The following OS9 variants were observed in gnomAD, a reference collection of about 807,000 sequenced individuals.
OS9 encodes the protein protein OS-9.
A neutral mutation model predicts 84.7 loss-of-function variants in OS9; 58 were observed. The ratio of observed to expected loss-of-function variants is 0.68; its 90% CI spans 0.55 to 0.85. OS9 has a LOEUF of 0.85. Ranked by LOEUF, OS9 falls within the 40% of genes least tolerant of loss-of-function variation. The pLI, the probability that OS9 is intolerant of heterozygous loss-of-function variation, is 0.00. For missense variants in OS9, 760 were observed against 850.9 expected, an observed-to-expected ratio of 0.89 and a Z score of 1.33; for synonymous variants, 278 against 320.8, an observed-to-expected ratio of 0.87 and a Z score of 1.43.
chr12:57,720,535 C>G lies in OS9; in HGVS notation c.1878+17C>G, dbSNP rs778386470. ...AATATCTTGGTAAGAGGCTTCTACC[C>G]CCGAGTCCTGGCCCCCAGCCCTCCT... On this transcript the variant is annotated intron_variant, in intron 14 of 14. Transcript: ENST00000315970. 1.9e-6 allele frequency: 3 copies of G among 1,551,710 alleles called. No homozygotes were observed. The highest frequency in any genetic ancestry group is 2.7e-6 in the Non-Finnish European group (3 of 1,123,074).
intron 5 of OS9, among the ~76,000 whole-genome samples, chr12:57,696,882 CA>C (rs1488160711): frequency 6.6e-6 from 1 of 152,072 alleles, no homozygotes; most frequent in Non-Finnish European, 1.5e-5. Flanking sequence ...AGATATCTCT[CA>C]AAACTCTCCT....
At position 57,694,260 on chromosome 12, in the gene OS9, G is replaced by A. The variant is rs1475927586; in HGVS notation, c.99G>A (p.Leu33=). ...SLTGGVGSLN[L]EELSEMRYGI... ...CCGGCGGTGTCGGGAGCCTGAACCT[G>A]GAGGAGCTGAGTGAGATGCGTTATG... The change falls in exon 1 of 15, where the codon CTG becomes CTA. Residue 33 remains leucine, a synonymous_variant. Coordinates refer to ENST00000315970, the MANE Select transcript of OS9 (RefSeq NM_006812.4). 1 of 1,614,072 alleles carries A rather than the reference G, an allele frequency of 6.2e-7. No individual in the cohort carries two copies. Among genetic ancestry groups the A allele is most frequent in the African/African-American group, 1.3e-5 (1 of 74,904 alleles).
chr12:57,716,730 C>T lies in OS9; in HGVS notation c.1031C>T (p.Ser344Phe), dbSNP rs544656902. The change falls in exon 9 of 15, where the codon TCT becomes TTT. Residue 344 changes from serine (S) to phenylalanine (F), a missense_variant. Physicochemically the swap from Ser to Phe is radical, Grantham distance 155. Coordinates refer to ENST00000315970, the MANE Select transcript of OS9 (RefSeq NM_006812.4). ...DPSPEAADSASGAPNDFQNNV... is the reference protein window; with the variant it reads ...DPSPEAADSAFGAPNDFQNNV... ...AGCCCTGAGGCAGCAGATTCAGCTT[C>T]TGGTGCTCCCAATGGTGAGTGAACC... 6.2e-7 allele frequency: 1 copy of T among 1,613,998 alleles called. No individual in the cohort carries two copies. Among genetic ancestry groups the T allele is most frequent in the East Asian group, 2.2e-5 (1 of 44,884 alleles).
intron 5 of OS9, among the ~76,000 whole-genome samples, chr12:57,699,277 G>A (rs1953951611): frequency 6.6e-6 from 1 of 152,222 alleles, no homozygotes; most frequent in African/African-American, 2.4e-5. Flanking sequence ...TGGGTCTGGA[G>A]TTCAGCAGAG....
chr12:57,720,587 C>T, intron 14 of OS9, 69 bp downstream of exon 14: 1 of 1,333,134 alleles, frequency 7.5e-7, no homozygotes, highest in Non-Finnish European at 1.1e-6. Flanking sequence ...CTTGCCCCAG[C>T]CACGCCATTG....
chr12:57,706,869 A>G (rs1485452611), intron 5 of OS9, among the ~76,000 whole-genome samples: 4 of 143,714 alleles, frequency 2.8e-5, no homozygotes, highest in African/African-American at 8.5e-5. Flanking sequence ...AAAAAAAAAA[A>G]GTTTAGATAA....
Position 57,715,774 on chromosome 12 carries a change from G to C in OS9, c.594G>C (p.Glu198Asp), listed in dbSNP as rs755009010. 1 of 1,607,094 alleles carries C rather than the reference G, an allele frequency of 6.2e-7. No individual in the cohort carries two copies. Among genetic ancestry groups the C allele is most frequent in the Non-Finnish European group, 8.5e-7 (1 of 1,176,202 alleles). Residue 198 changes from glutamate (E) to aspartate (D), a missense_variant, in exon 6 of 15, where the codon GAG becomes GAC. Coordinates refer to ENST00000315970, the MANE Select transcript of OS9 (RefSeq NM_006812.4). Reference protein sequence around the residue: ...REAEVRFLCDEGAGISGDYID... With the variant: ...REAEVRFLCDDGAGISGDYID... ...TGTCCTGGCAGTTCCTCTGTGACGA[G>C]GGTGCAGGTATCTCTGGGGACTACA...
chr12:57,718,254 G>GA lies in OS9; in HGVS notation c.1245dup (p.Glu416ArgfsTer4), dbSNP rs767936776. ...TCCAGAACGGCAGAGAGAGATGGAA[G>GA]AAGAGGAGGATGAGGATGAGGATGA... On this transcript the variant is annotated frameshift_variant, in exon 11 of 15. Transcript: ENST00000315970. LOFTEE classifies it high-confidence loss of function. 6.2e-7 allele frequency: 1 copy of GA among 1,614,204 alleles called. No homozygotes were observed. Among genetic ancestry groups the GA allele is most frequent in the Non-Finnish European group, 8.5e-7 (1 of 1,180,038 alleles).
intron 12 of OS9, 151 bp from the exon 13 acceptor site, chr12:57,719,948 G>T (rs904271645): frequency 1.7e-5 from 12 of 698,610 alleles, no homozygotes; most frequent in Non-Finnish European, 2.9e-5. Flanking sequence ...GAGGGGCGGG[G>T]CACACATTTT....
chr12:57,720,194 A>G lies in OS9; in HGVS notation c.1696A>G (p.Asn566Asp). 1 of 1,614,176 alleles carries G rather than the reference A, an allele frequency of 6.2e-7. No individual in the cohort carries two copies. The highest frequency in any genetic ancestry group is 8.5e-7 in the Non-Finnish European group (1 of 1,180,038). The stretch of plus-strand genomic sequence containing the variant: ...GACTGTCCTCGAGATGAAACGGGAA[A>G]ACCCACAGCTGAAACAAATCGAGGG... Reference protein sequence around the residue: ...DLTVLEMKRENPQLKQIEGLV... With the variant: ...DLTVLEMKREDPQLKQIEGLV... Residue 566 changes from asparagine to aspartate, a missense_variant, in exon 13 of 15, where the codon AAC (asparagine) becomes GAC (aspartate). Physicochemically the swap from Asn to Asp is conservative, Grantham distance 23. Coordinates refer to ENST00000315970, the MANE Select transcript of OS9 (RefSeq NM_006812.4).
Position 57,720,930 on chromosome 12 carries a change from C to T in OS9, c.*21C>T. ...TCTGAGACCAACACTACACTTGACC[C>T]TTCACGGAATCCAGACTCTTCCTGG... is the stretch of plus-strand genomic sequence containing the variant. On this transcript the variant is annotated 3_prime_UTR_variant, in exon 15 of 15. Coordinates refer to ENST00000315970, the MANE Select transcript of OS9 (RefSeq NM_006812.4). 2 of 1,613,860 alleles carry T rather than the reference C, an allele frequency of 1.2e-6. No individual in the cohort carries two copies. Among genetic ancestry groups the T allele is most frequent in the African/African-American group, 1.3e-5 (1 of 75,054 alleles).
chr12:57,702,258 C>T (rs1954048347), intron 5 of OS9, among the ~76,000 whole-genome samples: 1 of 152,242 alleles, frequency 6.6e-6, no homozygotes, highest in Admixed American at 6.5e-5. Context: ...ATTTCTCCCT[C>T]TCCCAGACTC....
At chr12:57,698,755 G>C (rs1268679845) in intron 5 of OS9, among the ~76,000 whole-genome samples, 2 of 152,188 alleles carry the variant, frequency 1.3e-5, no homozygotes, top group Admixed American at 6.5e-5. Context: ...TACTCACAGG[G>C]ACTGAGGGGA....
intron 9 of OS9, among the ~76,000 whole-genome samples, chr12:57,717,648 C>G (rs1346060979): frequency 6.6e-6 from 1 of 151,828 alleles, no homozygotes; most frequent in East Asian, 1.9e-4. Context: ...CAAAAATTAG[C>G]TGGGTGTGGT....
intron 5 of OS9, among the ~76,000 whole-genome samples, chr12:57,713,883 G>C (rs1471583787): frequency 6.6e-6 from 1 of 151,908 alleles, no homozygotes; most frequent in Non-Finnish European, 1.5e-5. Context: ...CCAGCACTTT[G>C]GGTGGGAGGA....
At position 57,715,817 on chromosome 12, in the gene OS9, C is replaced by A. The variant is rs1235510449; in HGVS notation, c.637C>A (p.Pro213Thr). The A allele has an allele frequency of 1.9e-6, 3 of 1,613,780 alleles. No individual in the cohort carries two copies. The highest frequency in any genetic ancestry group is 2.5e-6 in the Non-Finnish European group (3 of 1,179,862). ...GGACTACATCGATCGCGTGGACGAGCCCTTGTCCTGCTCTTATGTGCTGAC... is the reference window on the plus strand; with the variant it reads ...GGACTACATCGATCGCGTGGACGAGACCTTGTCCTGCTCTTATGTGCTGAC... ...SGDYIDRVDEPLSCSYVLTIR... is the reference protein window; with the variant it reads ...SGDYIDRVDETLSCSYVLTIR... Residue 213 changes from proline (P) to threonine (T), a missense_variant, in exon 6 of 15, where the codon CCC becomes ACC. Physicochemically the swap from Pro to Thr is conservative, Grantham distance 38 (BLOSUM62 -1). Transcript: ENST00000315970.
In OS9 at chr12:57,694,147, G is replaced by C; in HGVS notation, c.-15G>C. 1.2e-6 allele frequency: 2 copies of C among 1,614,130 alleles called. No homozygotes were observed. The highest frequency in any genetic ancestry group is 1.7e-6 in the Non-Finnish European group (2 of 1,179,950). On this transcript the variant is annotated 5_prime_UTR_variant, in exon 1 of 15. Transcript: ENST00000315970. ...GGGCGGAAACAGATTCTCTGCATAAGAAGGGGAACGAAAGATGGCGGCGGA... is the reference window on the plus strand; with the variant it reads ...GGGCGGAAACAGATTCTCTGCATAACAAGGGGAACGAAAGATGGCGGCGGA...
intron 5 of OS9, among the ~76,000 whole-genome samples, chr12:57,703,578 T>C (rs916423724): frequency 1.3e-5 from 2 of 152,242 alleles, no homozygotes; most frequent in African/African-American, 4.8e-5. Context: ...GAGGGTTTAT[T>C]TCTGGCCTTT....
chr12:57,716,564 A>T lies in OS9; in HGVS notation c.993+52A>T, dbSNP rs1460324993. The T allele has an allele frequency of 2.6e-6, 4 of 1,523,410 alleles. 1 individual carries two copies. Among genetic ancestry groups the T allele is most frequent in the Middle Eastern group, 3.4e-4 (2 of 5,882 alleles). 94.4% of individuals were successfully genotyped at this position (1,523,410 alleles called of 1,614,324 possible). ...GGATGGGGATGGGGAGGGTCACTGC[A>T]GCTGGGGCCATTGTGAGGTGACCTA... On this transcript the variant is annotated intron_variant, in intron 8 of 14. Transcript: ENST00000315970.
Sources: gnomAD v4.1 joint callset for allele counts (sites outside exome capture counted in the v4.1 genomes callset) on GRCh38, gnomAD v4.1.1 for gene constraint, MANE v1.5 for transcripts, NCBI Gene and HGNC (gene_info 2026-07-23, HGNC 2026-07-21) for gene names.